The following RASSF4 variants were observed in gnomAD, a reference collection of about 807,000 sequenced individuals.
The protein encoded by RASSF4 is ras association domain-containing protein 4.
Under a neutral mutation model 41.1 loss-of-function variants are expected in RASSF4, and 38 were observed. The ratio of observed to expected loss-of-function variants is 0.92; its 90% CI spans 0.71 to 1.21. RASSF4 has a LOEUF of 1.21. Among genes scored for constraint, RASSF4 ranks in the 50% most tolerant of loss-of-function variants. RASSF4 has a pLI of 0.00. For synonymous variants in RASSF4, 179 were observed against 163.4 expected (o/e 1.10, Z -0.73); for missense variants, 414 against 419.4 (o/e 0.99, Z 0.11).
At chr10:44,985,840 C>A (rs1009681968) in intron 6 of RASSF4, among the ~76,000 whole-genome samples, 2 of 152,220 alleles carry the variant, frequency 1.3e-5, no homozygotes, top group African/African-American at 4.8e-5. Context: ...CTTCCACCCC[C>A]TGCTAGGCTT....
chr10:44,963,363 AC>A (rs909344115), intron 1 of RASSF4, among the ~76,000 whole-genome samples: 4 of 152,066 alleles, frequency 2.6e-5, no homozygotes, highest in African/African-American at 7.2e-5. Flanking sequence ...GGCTGAGGGT[AC>A]CCCCTCAGAG....
Position 44,984,112 on chromosome 10 carries a change from G to C in RASSF4, c.372G>C (p.Ser124=), listed in dbSNP as rs372763597. ...VHKAESSTDS[S]GPLEEAEEAP... ...AGGCTGAGAGTTCCACAGACAGCTC[G>C]GGTAAGCGGAGCCCGCAAGCTGCCC... Residue 124 remains serine, a splice_region_variant and synonymous_variant, in exon 5 of 11, where the codon TCG becomes TCC. Coordinates refer to ENST00000340258, the MANE Select transcript of RASSF4 (RefSeq NM_032023.4). The C allele has an allele frequency of 6.3e-7, 1 of 1,597,780 alleles. No individual in the cohort carries two copies. The highest frequency in any genetic ancestry group is 8.5e-7 in the Non-Finnish European group (1 of 1,172,488).
chr10:44,992,078 C>A, intron 10 of RASSF4, 76 bp downstream of exon 10: 1 of 932,136 alleles, frequency 1.1e-6, no homozygotes, highest in Non-Finnish European at 1.7e-6. Flanking sequence ...CCAGTGCCGG[C>A]TGGGAGGTCT....
At chr10:44,983,929 G>A (rs1841815885) in intron 4 of RASSF4, 93 bp from the exon 5 acceptor site, 1 of 1,548,236 alleles carries the variant, frequency 6.5e-7, no homozygotes, top group Non-Finnish European at 8.7e-7. Context: ...TCCCGCCTGT[G>A]TCCTACCCCA....
intron 6 of RASSF4, among the ~76,000 whole-genome samples, chr10:44,986,137 T>C (rs1350236845): frequency 1.3e-5 from 2 of 152,194 alleles, no homozygotes; most frequent in Non-Finnish European, 1.5e-5. Context: ...TTCCAAAATA[T>C]GTGCGTGGGT....
intron 3 of RASSF4, chr10:44,977,714 TC>T: frequency 6.2e-7 from 1 of 1,611,654 alleles, no homozygotes; most frequent in Non-Finnish European, 8.5e-7. Flanking sequence ...AAAAAGCCAG[TC>T]CAGGGGGTCC....
At chr10:44,972,905 A>G (rs1330327791) in intron 3 of RASSF4, among the ~76,000 whole-genome samples, 1 of 152,184 alleles carries the variant, frequency 6.6e-6, no homozygotes, top group Non-Finnish European at 1.5e-5. Context: ...GCATCCAGGC[A>G]ACTCTGGGCA....
intron 8 of RASSF4, among the ~76,000 whole-genome samples, chr10:44,990,171 T>G (rs975030857): frequency 2.2e-4 from 34 of 152,190 alleles, no homozygotes; most frequent in Admixed American, 8.5e-4. Context: ...CGTCTCAGCT[T>G]TCCTTTCTCC....
At chr10:44,984,145 T>G (rs1310153730) in intron 5 of RASSF4, 32 bp downstream of exon 5, 1 of 1,555,924 alleles carries the variant, frequency 6.4e-7, no homozygotes, top group East Asian at 2.4e-5. Flanking sequence ...CCCAGACCCC[T>G]GCCTCATCCG....
intron 3 of RASSF4, among the ~76,000 whole-genome samples, chr10:44,972,467 A>G (rs1841217746): frequency 6.6e-6 from 1 of 152,232 alleles, no homozygotes; most frequent in Non-Finnish European, 1.5e-5. Context: ...GATTTTTCAG[A>G]AGAGGATAGA....
intron 4 of RASSF4, 47 bp from the exon 5 acceptor site, chr10:44,983,975 C>A (rs745342580): frequency 1.9e-6 from 3 of 1,555,442 alleles, no homozygotes; most frequent in Non-Finnish European, 2.6e-6. Flanking sequence ...CCTGAGCTCC[C>A]TTTCTCTGCC....
At chr10:44,983,947 C>T in intron 4 of RASSF4, 75 bp from the exon 5 acceptor site, 2 of 1,550,580 alleles carry the variant, frequency 1.3e-6, no homozygotes, top group South Asian at 1.2e-5. Context: ...CCAGGGGCTG[C>T]TGGTCTCTTC....
intron 1 of RASSF4, 31 bp from the exon 2 acceptor site, chr10:44,970,134 C>G: frequency 2.9e-6 from 4 of 1,390,548 alleles, no homozygotes; most frequent in Non-Finnish European, 4.1e-6. Flanking sequence ...CTCTGGCTCA[C>G]CTGTCTGTCC....
chr10:44,984,788 AT>A, intron 5 of RASSF4, 24 bp from the exon 6 acceptor site: 1 of 1,610,966 alleles, frequency 6.2e-7, no homozygotes, highest in Non-Finnish European at 8.5e-7. Context: ...CCACCCTGCC[AT>A]TCTCTCACCC....
chr10:44,982,302 C>G (rs977314565), intron 3 of RASSF4: 1 of 641,990 alleles, frequency 1.6e-6, no homozygotes, highest in African/African-American at 1.9e-5. Context: ...GCGCTGTGCC[C>G]CTGGCCAGGC....
At chr10:44,977,797 AGG>A (rs1432049972) in intron 3 of RASSF4, 1 of 1,601,034 alleles carries the variant, frequency 6.2e-7, no homozygotes, top group East Asian at 2.2e-5. Context: ...GGGACACAGC[AGG>A]GCGGCCCTTC....
At chr10:44,980,739 C>A (rs912409591) in intron 3 of RASSF4, among the ~76,000 whole-genome samples, 3 of 152,186 alleles carry the variant, frequency 2.0e-5, no homozygotes, top group African/African-American at 4.8e-5. Context: ...CTCTGCCTGG[C>A]GTCCAGGGTG....
intron 2 of RASSF4, chr10:44,971,040 G>C (rs1033061260): frequency 5.8e-6 from 1 of 172,950 alleles, no homozygotes; most frequent in Non-Finnish European, 1.2e-5. Context: ...GATTTGGGTG[G>C]GGACACACAT....
intron 1 of RASSF4, among the ~76,000 whole-genome samples, chr10:44,969,181 G>A (rs1469094229): frequency 1.3e-5 from 2 of 151,876 alleles, no homozygotes; most frequent in Admixed American, 1.3e-4. Context: ...AGGAGGCCTT[G>A]ATAAGAGTCC....
Sources: gnomAD v4.1 joint callset for allele counts (sites outside exome capture counted in the v4.1 genomes callset) on GRCh38, gnomAD v4.1.1 for gene constraint, MANE v1.5 for transcripts, NCBI Gene and HGNC (gene_info 2026-07-23, HGNC 2026-07-21) for gene names.